Variants in SOS2 observed in about 807,000 individuals in gnomAD.
The protein encoded by SOS2 is son of sevenless homolog 2.
SOS2 carries 65 observed loss-of-function variants against 148.2 expected under a neutral mutation model. The ratio of observed to expected loss-of-function variants is 0.44; its 90% CI spans 0.36 to 0.54. The LOEUF (loss-of-function observed/expected upper bound fraction) is 0.54. Among genes scored for constraint, SOS2 ranks in the 20% least tolerant of loss-of-function variants. SOS2 has a pLI of 0.00. For synonymous variants in SOS2, 539 were observed against 537.1 expected (o/e 1.00, Z -0.05); for missense variants, 1,341 against 1,590.2 (o/e 0.84, Z 2.67).
chr14:50,224,307 ATAT>A (rs1566487906), intron 1 of SOS2, among the ~76,000 whole-genome samples: 21 of 59,242 alleles, frequency 3.5e-4, no homozygotes, highest in African/African-American at 1.5e-3. Context: ...AAAAAAAAAT[ATAT>A]ATATACACAC....
intron 4 of SOS2, 145 bp from the exon 5 acceptor site, chr14:50,188,845 T>C (rs532397185): frequency 1.0e-3 from 607 of 598,582 alleles, no homozygotes; most frequent in Non-Finnish European, 1.5e-3. Flanking sequence ...GGAGGATCAC[T>C]TGAGGTCAGG....
At chr14:50,142,196 C>T (rs1454928775) in intron 16 of SOS2, among the ~76,000 whole-genome samples, 6 of 151,762 alleles carry the variant, frequency 4.0e-5, no homozygotes, top group African/African-American at 7.3e-5. Context: ...TTAGTAAAGA[C>T]GGGGTTTCAT....
In SOS2 at chr14:50,159,412, T is replaced by A; in HGVS notation, c.1852+19A>T. 6.5e-7 allele frequency: 1 copy of A among 1,539,574 alleles called. No homozygotes were observed. Among genetic ancestry groups the A allele is most frequent in the Non-Finnish European group, 8.8e-7 (1 of 1,133,272 alleles). ...GGGTCCCAGGCCCTAGGTCAGCAGTTGTAATGAGTTTCACATACCTGCATA... is the reference window on the plus strand; with the variant it reads ...GGGTCCCAGGCCCTAGGTCAGCAGTAGTAATGAGTTTCACATACCTGCATA... On this transcript the variant is annotated intron_variant, in intron 10 of 22. Coordinates refer to ENST00000216373, the MANE Select transcript of SOS2 (RefSeq NM_006939.4).
chr14:50,209,274 C>CGCGTGTGTGTGTGTGTGTGTGTGT (rs1415473469), intron 1 of SOS2, among the ~76,000 whole-genome samples: 1 of 118,276 alleles, frequency 8.5e-6, no homozygotes, highest in Non-Finnish European at 1.9e-5. Flanking sequence ...CCTTAAATGT[C>CGCGTGTGTGTGTGTGTGTGTGTGT]GTGTGTGTGT....
rs368737552 is a variant in SOS2, at chr14:50,182,427, G to T, written c.858+36C>A. 8.2e-5 allele frequency: 130 copies of T among 1,593,516 alleles called. No homozygotes were observed. In the African/African-American group the frequency reaches 1.2e-3, roughly 15 times the overall value. ...TAAGTTTCTTACTACAGCATTTAGG[G>T]CTTTAATGAGAATATAAGTAGTTTT... On this transcript the variant is annotated intron_variant, in intron 6 of 22. Coordinates refer to ENST00000216373, the MANE Select transcript of SOS2 (RefSeq NM_006939.4).
intron 1 of SOS2, among the ~76,000 whole-genome samples, chr14:50,211,093 T>C (rs557565513): frequency 1.3e-5 from 2 of 152,108 alleles, no homozygotes; most frequent in Admixed American, 6.6e-5. Flanking sequence ...TACAGTCCAA[T>C]ATAATAGACG....
Position 50,161,511 on chromosome 14 carries a change from G to A in SOS2, c.1167C>T (p.Tyr389=), listed in dbSNP as rs1278728741. The change falls in exon 9 of 23, where the codon TAC becomes TAT. Residue 389 remains tyrosine, a synonymous_variant. Transcript: ENST00000216373. ...GTCGACGTCTAGGTGAATACTGCTT[G>A]TAAATTCGGTCCATGCTACCTTGGA... is the stretch of plus-strand genomic sequence containing the variant. ...MNLQGSMDRI[Y]KQYSPRRRPG... 7.4e-6 allele frequency: 12 copies of A among 1,613,104 alleles called. No individual in the cohort carries two copies. Among genetic ancestry groups the A allele is most frequent in the Admixed American group, 3.3e-5 (2 of 59,920 alleles).
intron 1 of SOS2, among the ~76,000 whole-genome samples, chr14:50,206,282 T>C (rs1403130903): frequency 6.6e-6 from 1 of 152,244 alleles, no homozygotes; most frequent in African/African-American, 2.4e-5. Context: ...CATATTTTCA[T>C]ATGGAATATT....
upstream of SOS2, among the ~76,000 whole-genome samples, chr14:50,231,814 C>G (rs886095593): frequency 2.0e-5 from 3 of 152,270 alleles, no homozygotes; most frequent in East Asian, 5.8e-4. Flanking sequence ...GCGCGTCGGG[C>G]GAGCGAGCCT....
rs764636629 is a variant in SOS2 at position 50,199,826 on chromosome 14, A to G, written c.375T>C (p.His125=). The G allele has an allele frequency of 3.8e-6, 6 of 1,589,188 alleles. No individual in the cohort carries two copies. Among genetic ancestry groups the G allele is most frequent in the Non-Finnish European group, 3.4e-6 (4 of 1,162,734 alleles). ...GTACAGCCACAATATATAGGGATAC[A>G]TGGTAGTCCACTTTGTACCCTAATA... ...KEVLGYKVDY[H]VSLYIVAVLE... The change falls in exon 4 of 23, where the codon CAT becomes CAC. Residue 125 remains histidine (H), a synonymous_variant. Coordinates refer to ENST00000216373, the MANE Select transcript of SOS2 (RefSeq NM_006939.4).
At chr14:50,199,973 A>C in intron 3 of SOS2, 118 bp from the exon 4 acceptor site, 2 of 611,340 alleles carry the variant, frequency 3.3e-6, no homozygotes, top group Non-Finnish European at 5.7e-6. Flanking sequence ...TACATGTCTA[A>C]ATGTATGGGT....
intron 4 of SOS2, among the ~76,000 whole-genome samples, chr14:50,196,336 G>C (rs1482426560): frequency 6.6e-6 from 1 of 152,060 alleles, no homozygotes; most frequent in African/African-American, 2.4e-5. Context: ...ATATATGTAT[G>C]GGGTAAATGC....
intron 11 of SOS2, among the ~76,000 whole-genome samples, chr14:50,157,724 T>A (rs1051718707): frequency 6.6e-6 from 1 of 152,168 alleles, no homozygotes; most frequent in Non-Finnish European, 1.5e-5. Context: ...GTGATAGAGA[T>A]CTAGAATTAT....
chr14:50,184,649 TC>T (rs1885849280), intron 5 of SOS2, among the ~76,000 whole-genome samples: 1 of 151,676 alleles, frequency 6.6e-6, no homozygotes, highest in African/African-American at 2.4e-5. Flanking sequence ...CCCACTGACC[TC>T]TAAAAAATTG....
chr14:50,224,406 C>CACAG (rs1887301965), intron 1 of SOS2, among the ~76,000 whole-genome samples: 1 of 148,428 alleles, frequency 6.7e-6, no homozygotes, highest in Non-Finnish European at 1.5e-5. Context: ...AGGATGTGGT[C>CACAG]ACAGAAAGAT....
chr14:50,201,453 G>A (rs1172966031), intron 2 of SOS2, among the ~76,000 whole-genome samples: 3 of 147,736 alleles, frequency 2.0e-5, no homozygotes, highest in African/African-American at 7.5e-5. Flanking sequence ...AGGATTGCTT[G>A]AACCCAGGAG....
intron 3 of SOS2, among the ~76,000 whole-genome samples, chr14:50,200,654 T>TG (rs1179802650): frequency 6.6e-6 from 1 of 151,044 alleles, no homozygotes; most frequent in Non-Finnish European, 1.5e-5. Flanking sequence ...GAGACCAGCC[T>TG]GGGCAACACA....
rs764249804 is a variant in SOS2 at position 50,231,213 on chromosome 14, A to T, written c.71T>A (p.Val24Asp). The T allele has an allele frequency of 6.7e-7, 1 of 1,496,244 alleles. No individual in the cohort carries two copies. The highest frequency in any genetic ancestry group is 9.0e-7 in the Non-Finnish European group (1 of 1,109,780). The allele number at this position is 1,496,244 out of a possible 1,614,324, so 92.7% of individuals were successfully genotyped here. The part of the protein sequence containing the change: ...ENSPKWRGLL[V>D]SALRKVQEQV... ...AGCACTGACCTTCCGCAGGGCCGAG[A>T]CCAACAGTCCCCGCCATTTCGGACT... Residue 24 changes from valine (V) to aspartate (D), a missense_variant, in exon 1 of 23, where the codon GTC becomes GAC. Val to Asp is a radical substitution (Grantham distance 152). This residue lies in a region of SOS2 where 574 missense variants were observed against 711.1 expected (regional missense o/e 0.81). Coordinates refer to ENST00000216373, the MANE Select transcript of SOS2 (RefSeq NM_006939.4).
intron 6 of SOS2, among the ~76,000 whole-genome samples, chr14:50,181,275 C>T (rs1885726594): frequency 6.6e-6 from 1 of 152,018 alleles, no homozygotes; most frequent in Non-Finnish European, 1.5e-5. Flanking sequence ...AGAGGAACAC[C>T]GTCTCTACTA....
Sources: allele counts gnomAD v4.1 joint callset (sites outside exome capture counted in the v4.1 genomes callset), GRCh38; gene constraint gnomAD v4.1.1; regional missense constraint gnomAD v4.1.1; transcripts MANE v1.5; gene names NCBI Gene and HGNC (gene_info 2026-07-23, HGNC 2026-07-21).